The following MYO1H variants were observed in gnomAD, a reference collection of about 807,000 sequenced individuals.
The protein encoded by MYO1H is unconventional myosin-Ih.
MYO1H carries 118 observed loss-of-function variants against 149.3 expected under a neutral mutation model. That is an observed-to-expected ratio of 0.79 (90% CI 0.68 to 0.92). MYO1H has a LOEUF of 0.92. Among genes scored for constraint, MYO1H ranks in the 40% least tolerant of loss-of-function variants. The pLI, the probability that MYO1H is intolerant of heterozygous loss-of-function variation, is 0.00. For missense variants in MYO1H, 1,212 were observed against 1,280.7 expected (o/e 0.95, Z 0.82); for synonymous variants, 447 against 465.2 (o/e 0.96, Z 0.50).
chr12:109,445,644 C>A (rs762478960), intron 31 of MYO1H, 32 bp downstream of exon 31: 1 of 1,598,712 alleles, frequency 6.3e-7, no homozygotes, highest in Non-Finnish European at 8.5e-7. Context: ...GGAAGTAAGC[C>A]GTTTTAGATG....
At chr12:109,326,935 C>G in the MYO1H span, among the ~76,000 whole-genome samples, 1 of 152,014 alleles carries the variant, frequency 6.6e-6, no homozygotes, top group African/African-American at 2.4e-5. Context: ...ACTTTCCCCC[C>G]ACTCTATGAA....
chr12:109,425,858 C>CT, intron 17 of MYO1H, 88 bp from the exon 18 acceptor site: 1 of 957,702 alleles, frequency 1.0e-6, no homozygotes, highest in Non-Finnish European at 1.6e-6. Context: ...GGGCTGACAC[C>CT]TTGAGCCCTG....
At chr12:109,367,569 C>T (rs978206408) in intron 1 of MYO1H, among the ~76,000 whole-genome samples, 15 of 151,906 alleles carry the variant, frequency 9.9e-5, no homozygotes, top group Admixed American at 9.2e-4. Flanking sequence ...TTACTTATTT[C>T]GAGACAGAGT....
intron 27 of MYO1H, among the ~76,000 whole-genome samples, 159 bp from the exon 28 acceptor site, chr12:109,443,355 T>TAC (rs10545297): frequency 0.14 from 10,548 of 74,734 alleles, 2,329 homozygotes; most frequent in South Asian, 0.28. Context: ...TGTGTGTATA[T>TAC]ACACACACAC....
intron 19 of MYO1H, among the ~76,000 whole-genome samples, chr12:109,430,881 G>A (rs760960549): frequency 6.6e-6 from 1 of 152,074 alleles, no homozygotes; most frequent in African/African-American, 2.4e-5. Context: ...AGCTGATATC[G>A]CACCACTGCA....
intron 3 of MYO1H, 113 bp downstream of exon 3, chr12:109,393,559 C>CCATCCATCCATT (rs1869763728): frequency 2.1e-5 from 14 of 664,578 alleles, no homozygotes; most frequent in South Asian, 1.0e-4. Context: ...ATCCATCCAT[C>CCATCCATCCATT]CATCCATCCA....
At chr12:109,397,570 T>G (rs1178081861) in intron 4 of MYO1H, among the ~76,000 whole-genome samples, 162 bp from the exon 5 acceptor site, 1 of 152,218 alleles carries the variant, frequency 6.6e-6, no homozygotes, top group Non-Finnish European at 1.5e-5. Context: ...CATTAAATTC[T>G]CTGTAGTTAG....
chr12:109,368,435 C>T (rs1868913942), intron 1 of MYO1H, among the ~76,000 whole-genome samples: 1 of 152,124 alleles, frequency 6.6e-6, no homozygotes, highest in African/African-American at 2.4e-5. Flanking sequence ...GCAGGCGGAT[C>T]ACCTGAGGTC....
At chr12:109,390,407 C>A (rs1869594497) in intron 2 of MYO1H, among the ~76,000 whole-genome samples, 1 of 151,872 alleles carries the variant, frequency 6.6e-6, no homozygotes, top group South Asian at 2.1e-4. Context: ...CACTGAGAAT[C>A]TGAGAATACC....
At chr12:109,438,946 C>T (rs548169774) in intron 23 of MYO1H, among the ~76,000 whole-genome samples, 27 of 152,320 alleles carry the variant, frequency 1.8e-4, no homozygotes, top group South Asian at 1.2e-3. Flanking sequence ...CAAACTGGAA[C>T]GCTCAGTCTA....
chr12:109,315,094 C>T, the MYO1H span, among the ~76,000 whole-genome samples: 4 of 152,200 alleles, frequency 2.6e-5, no homozygotes, highest in African/African-American at 9.6e-5. Flanking sequence ...AAACCAAGAC[C>T]CTGTCTCAAA....
At chr12:109,407,857 T>G in exon 10 of MYO1H, 1 of 1,614,002 alleles carries the variant, frequency 6.2e-7, no homozygotes, top group Non-Finnish European at 8.5e-7. Flanking sequence ...AAAGGCTGTT[T>G]ATGGACGAAC....
At chr12:109,315,714 A>G in the MYO1H span, among the ~76,000 whole-genome samples, 3 of 152,190 alleles carry the variant, frequency 2.0e-5, no homozygotes, top group African/African-American at 4.8e-5. Context: ...CCCAGACCCT[A>G]CCAGTCCTTA....
chr12:109,321,134 C>T, the MYO1H span, among the ~76,000 whole-genome samples: 2 of 152,142 alleles, frequency 1.3e-5, no homozygotes, highest in South Asian at 2.1e-4. Context: ...GGTAAATCTG[C>T]CTGCATAAAA....
chr12:109,342,212 T>C, the MYO1H span, among the ~76,000 whole-genome samples: 2 of 147,942 alleles, frequency 1.4e-5, no homozygotes, highest in South Asian at 4.4e-4. Flanking sequence ...TGGCACTCTC[T>C]TGGCTCACTG....
In MYO1H at chr12:109,410,605, A is replaced by T. The variant is rs1870621912; in HGVS notation, c.1330-83A>T. ...TATAAAAACTAGATTTTGAAAAAAG[A>T]TGTTTTAGAAAACCAATTTAAAACC... is the stretch of plus-strand genomic sequence containing the variant. On this transcript the variant is annotated intron_variant, in intron 12 of 31. Coordinates refer to ENST00000310903, the Ensembl canonical transcript of MYO1H. The T allele has an allele frequency of 3.7e-6, 3 of 802,886 alleles. No individual in the cohort carries two copies. The East Asian group carries it at 7.9e-5, about 21-fold the overall frequency. 49.7% of individuals were successfully genotyped at this position (802,886 alleles called of 1,614,324 possible).
chr12:109,443,761 G>C, intron 28 of MYO1H, 112 bp downstream of exon 28: 3 of 1,237,872 alleles, frequency 2.4e-6, no homozygotes, highest in Non-Finnish European at 3.4e-6. Flanking sequence ...CATAAACCCC[G>C]GGGTAGTGAT....
chr12:109,435,784 A>C (rs895252632), intron 21 of MYO1H, among the ~76,000 whole-genome samples: 1 of 152,222 alleles, frequency 6.6e-6, no homozygotes, highest in Non-Finnish European at 1.5e-5. Context: ...CTACACAGCA[A>C]GTAAGCAGCC....
chr12:109,318,114 T>G, the MYO1H span, among the ~76,000 whole-genome samples: 2 of 152,126 alleles, frequency 1.3e-5, no homozygotes, highest in Non-Finnish European at 2.9e-5. Context: ...CAAGGAGTGG[T>G]CAAAGCTGAA....
Sources: gnomAD v4.1 joint callset for allele counts (sites outside exome capture counted in the v4.1 genomes callset) on GRCh38, gnomAD v4.1.1 for gene constraint, MANE v1.5 for transcripts, NCBI Gene and HGNC (gene_info 2026-07-23, HGNC 2026-07-21) for gene names.